SOX5: variants seen among roughly 807,000 people sequenced by gnomAD.
SOX5 encodes SRY-box transcription factor 5.
A neutral mutation model predicts 92.0 loss-of-function variants in SOX5; 9 were observed. The ratio of observed to expected loss-of-function variants is 0.10; its 90% CI spans 0.06 to 0.17. SOX5 has a LOEUF of 0.17. SOX5 is among the 10% of genes least tolerant of loss of function. The pLI is 1.00. For synonymous variants in SOX5, 344 were observed against 336.3 expected, an observed-to-expected ratio of 1.02 and a Z score of -0.25; for missense variants, 642 against 944.5, an observed-to-expected ratio of 0.68 and a Z score of 4.20.
chr12:23,567,032 C>T (rs1173555402), intron 10 of SOX5, among the ~76,000 whole-genome samples: 2 of 152,164 alleles, frequency 1.3e-5, no homozygotes, highest in African/African-American at 2.4e-5. Flanking sequence ...ATGTTAGACT[C>T]CTTTCTTTAC....
At chr12:23,547,553 A>G (rs1281969341) in intron 11 of SOX5, among the ~76,000 whole-genome samples, 2 of 152,136 alleles carry the variant, frequency 1.3e-5, no homozygotes, top group Non-Finnish European at 2.9e-5. Context: ...TGAGATATTG[A>G]AATTCTTAAC....
At chr12:24,258,107 A>G (rs1042508180) in intron 3 of SOX5, among the ~76,000 whole-genome samples, 1 of 152,148 alleles carries the variant, frequency 6.6e-6, no homozygotes, top group Admixed American at 6.5e-5. Context: ...CGGGAGGCGG[A>G]GGCTGCAGTG....
At chr12:24,458,508 C>T (rs1943268853) in intron 1 of SOX5, among the ~76,000 whole-genome samples, 1 of 152,082 alleles carries the variant, frequency 6.6e-6, no homozygotes, top group Non-Finnish European at 1.5e-5. Flanking sequence ...TCCTGATACC[C>T]GGCCACATTC....
chr12:24,324,952 T>G (rs1000525647), intron 2 of SOX5, among the ~76,000 whole-genome samples: 1 of 152,104 alleles, frequency 6.6e-6, no homozygotes, highest in African/African-American at 2.4e-5. Flanking sequence ...ATATTTACTC[T>G]TTTTTCCTTA....
chr12:24,483,107 C>T (rs1431753937), intron 1 of SOX5, among the ~76,000 whole-genome samples: 3 of 152,152 alleles, frequency 2.0e-5, no homozygotes, highest in Admixed American at 2.0e-4. Flanking sequence ...CACTTATTTT[C>T]AACAAACCAC....
chr12:24,274,306 T>C (rs932984056), intron 3 of SOX5, among the ~76,000 whole-genome samples: 11 of 152,186 alleles, frequency 7.2e-5, no homozygotes, highest in African/African-American at 2.4e-4. Context: ...ATTAGGGGCA[T>C]TGAGATTTAA....
intron 6 of SOX5, among the ~76,000 whole-genome samples, chr12:23,686,311 T>C (rs911548891): frequency 6.6e-6 from 1 of 152,236 alleles, no homozygotes; most frequent in African/African-American, 2.4e-5. Flanking sequence ...AATTTTCCAA[T>C]GTTATGACCA....
chr12:23,531,802 C>A lies in SOX5; in HGVS notation c.*2417G>T, dbSNP rs867077381. On this transcript the variant is annotated 3_prime_UTR_variant, in exon 15 of 15. Transcript: ENST00000451604. ...TGAACACGACCCTCCTATTAATTCA[C>A]TCCTTTGTTTTAAACATCAGAACTG... 34 of 151,948 alleles carry A rather than the reference C, an allele frequency of 2.2e-4. No individual in the cohort carries two copies. Among genetic ancestry groups the A allele is most frequent in the Admixed American group, 1.1e-3 (17 of 15,236 alleles). The allele number at this position is 151,948 out of a possible 1,614,324, so 9.4% of individuals were successfully genotyped here.
intron 11 of SOX5, among the ~76,000 whole-genome samples, chr12:23,557,513 G>C (rs186639481): frequency 5.3e-5 from 8 of 152,196 alleles, no homozygotes; most frequent in Non-Finnish European, 7.3e-5. Context: ...TTATTTTTGT[G>C]AGTGACATCT....
intron 6 of SOX5, among the ~76,000 whole-genome samples, chr12:23,690,672 G>C (rs942728439): frequency 6.6e-6 from 1 of 152,134 alleles, no homozygotes; most frequent in African/African-American, 2.4e-5. Context: ...ATGTAGCACT[G>C]ATTTCTCAAC....
At chr12:24,434,246 G>A (rs1013663853) in intron 1 of SOX5, among the ~76,000 whole-genome samples, 1 of 152,078 alleles carries the variant, frequency 6.6e-6, no homozygotes, top group African/African-American at 2.4e-5. Context: ...GAAACTGAGG[G>A]AATGATTTCA....
chr12:24,560,696 G>A lies in SOX5; in HGVS notation c.-251+1633C>T, dbSNP rs963047778. Among the ~76,000 whole-genome samples, 5 of 152,182 alleles carry A rather than the reference G, an allele frequency of 3.3e-5. No individual in the cohort carries two copies. The South Asian group carries it at 6.2e-4, about 19-fold the overall frequency. On this transcript the variant is annotated intron_variant, in intron 1 of 4. Coordinates refer to the SOX5 transcript ENST00000446891. ...TTTAGCAGTTCTGTAAAGGCTCTAA[G>A]AAATCGTCCTCCTTTTAAATGCTAT...
At chr12:24,084,155 A>G (rs184701183) in intron 4 of SOX5, among the ~76,000 whole-genome samples, 7 of 152,202 alleles carry the variant, frequency 4.6e-5, no homozygotes, top group Admixed American at 1.3e-4. Flanking sequence ...GGATGTATCT[A>G]TAAGGTTGAA....
chr12:24,361,246 G>A (rs521144), intron 2 of SOX5, among the ~76,000 whole-genome samples: 100,184 of 151,982 alleles, frequency 0.66, 33,509 homozygotes, highest in African/African-American at 0.76. Flanking sequence ...TTCTTGCTCA[G>A]TGATGGCCCC....
chr12:24,278,929 A>AGACT (rs1393549846), intron 2 of SOX5, among the ~76,000 whole-genome samples: 1 of 150,972 alleles, frequency 6.6e-6, no homozygotes, highest in Non-Finnish European at 1.5e-5. Flanking sequence ...AACTGTAAAG[A>AGACT]GACTACACTA....
At chr12:23,683,154 A>G (rs2086908543) in intron 6 of SOX5, among the ~76,000 whole-genome samples, 1 of 151,952 alleles carries the variant, frequency 6.6e-6, no homozygotes. Context: ...GTGATAAGCA[A>G]GTAACTAAGC....
At position 24,199,999 on chromosome 12, in the gene SOX5, ATTAGTT is replaced by A. The variant is rs1427808892; in HGVS notation, c.-2+13338_-2+13343del. On this transcript the variant is annotated intron_variant, in intron 4 of 4. Transcript: ENST00000446891. ...AATAGATAAAGGATATTATTCATTT[ATTAGTT>A]TTAAAGTGTAAAACTGGGGGAAAAA... Among the ~76,000 whole-genome samples the A allele has an allele frequency of 1.8e-4, 27 of 152,358 alleles. No homozygotes were observed. In the Middle Eastern group the frequency reaches 0.01, roughly 58 times the overall value.
chr12:23,671,011 A>G (rs2084687916), intron 6 of SOX5, among the ~76,000 whole-genome samples: 1 of 152,168 alleles, frequency 6.6e-6, no homozygotes, highest in Admixed American at 6.6e-5. Context: ...AGTTATGAGG[A>G]AATAAAAATT....
rs75144547 is a variant in SOX5 at position 24,440,499 on chromosome 12, CT to C, written c.-250-71861del. On this transcript the variant is annotated intron_variant, in intron 1 of 4. Coordinates refer to the SOX5 transcript ENST00000446891. ...TTTCTTGCCTTCTTACCTTTGCATG[CT>C]TAGGTCGGGTACCAGACTCTGCAAC... Among the ~76,000 whole-genome samples, 701 of 152,104 alleles carry C rather than the reference CT, an allele frequency of 4.6e-3. 9 individuals are homozygous for C. In the East Asian group the frequency reaches 0.051, roughly 11 times the overall value.
Sources: allele counts gnomAD v4.1 joint callset (sites outside exome capture counted in the v4.1 genomes callset), GRCh38; gene constraint gnomAD v4.1.1; transcripts MANE v1.5; gene names NCBI Gene and HGNC (gene_info 2026-07-23, HGNC 2026-07-21).